VSTM4: variants seen among roughly 807,000 people sequenced by gnomAD.
The protein encoded by VSTM4 is V-set and transmembrane domain-containing protein 4.
Under a neutral mutation model 36.4 loss-of-function variants are expected in VSTM4, and 20 were observed. The ratio of observed to expected loss-of-function variants is 0.55; its 90% CI spans 0.39 to 0.80. The LOEUF is 0.80. VSTM4 is among the 30% of genes least tolerant of loss of function. The probability of loss-of-function intolerance (pLI) is 0.00; values close to 1 mark genes in which losing one functional copy is unlikely to be tolerated. For missense variants in VSTM4, 392 were observed against 404.5 expected, an observed-to-expected ratio of 0.97 and a Z score of 0.26; for synonymous variants, 182 against 173.9, an observed-to-expected ratio of 1.05 and a Z score of -0.37.
At chr10:49,098,983 G>A (rs752281087) in intron 2 of VSTM4, among the ~76,000 whole-genome samples, 16 of 152,292 alleles carry the variant, frequency 1.1e-4, no homozygotes, top group East Asian at 3.9e-4. Flanking sequence ...TCACTGAGCC[G>A]AGCAAACCTT....
intron 2 of VSTM4, among the ~76,000 whole-genome samples, chr10:49,088,956 A>G (rs890454206): frequency 6.6e-6 from 1 of 152,256 alleles, no homozygotes. Flanking sequence ...TCAGAAATGC[A>G]GAATGGCAGG....
intron 2 of VSTM4, among the ~76,000 whole-genome samples, chr10:49,104,762 C>G (rs188380217): frequency 5.7e-4 from 87 of 151,484 alleles, no homozygotes; most frequent in African/African-American, 2.0e-3. Flanking sequence ...TGGAGAGACA[C>G]AGAGAGATAG....
intron 5 of VSTM4, chr10:49,064,411 G>A: frequency 4.8e-6 from 2 of 420,338 alleles, no homozygotes; most frequent in Non-Finnish European, 8.6e-6. Flanking sequence ...GAGCAAGTGT[G>A]AGCCCCTTCC....
At chr10:49,062,015 T>C (rs1564578738) in intron 5 of VSTM4, among the ~76,000 whole-genome samples, 2 of 152,236 alleles carry the variant, frequency 1.3e-5, no homozygotes, top group East Asian at 1.9e-4. Context: ...TGTATTGTTT[T>C]TGCAAAGTTA....
At chr10:49,030,155 C>T (rs1843323076) in intron 7 of VSTM4, among the ~76,000 whole-genome samples, 1 of 152,182 alleles carries the variant, frequency 6.6e-6, no homozygotes, top group African/African-American at 2.4e-5. Context: ...TGAAGACGTC[C>T]AGGGGCATTT....
At position 49,076,414 on chromosome 10, in the gene VSTM4, G is replaced by A. The variant is rs1186827722; in HGVS notation, c.634+805C>T. On this transcript the variant is annotated intron_variant, in intron 4 of 7. Transcript: ENST00000332853. ...AGGCACAGAAGGAGGTTGTCAGCCT[G>A]TAAGTAAGGGAGCCACTGGAACCGG... is the stretch of plus-strand genomic sequence containing the variant. Among the ~76,000 whole-genome samples, 3 of 152,340 alleles carry A rather than the reference G, an allele frequency of 2.0e-5. No homozygotes were observed. The East Asian group carries it at 5.8e-4, about 29-fold the overall frequency.
intron 1 of VSTM4, among the ~76,000 whole-genome samples, chr10:49,113,636 A>T (rs980399696): frequency 6.6e-6 from 1 of 152,190 alleles, no homozygotes; most frequent in Non-Finnish European, 1.5e-5. Context: ...TATCGTAAAT[A>T]TATTGTCTGT....
At chr10:49,085,721 G>A (rs1844357597) in intron 3 of VSTM4, among the ~76,000 whole-genome samples, 1 of 151,962 alleles carries the variant, frequency 6.6e-6, no homozygotes, top group Non-Finnish European at 1.5e-5. Flanking sequence ...TTGTCTAAAA[G>A]TGAGGCTGCA....
At chr10:49,080,248 A>C (rs1292461266) in intron 3 of VSTM4, among the ~76,000 whole-genome samples, 1 of 152,228 alleles carries the variant, frequency 6.6e-6, no homozygotes, top group African/African-American at 2.4e-5. Flanking sequence ...GCTTAAGCTG[A>C]AAAAGCAAGC....
chr10:49,081,356 T>C (rs181318684), intron 3 of VSTM4, among the ~76,000 whole-genome samples: 1 of 152,230 alleles, frequency 6.6e-6, no homozygotes, highest in African/African-American at 2.4e-5. Context: ...TTTAGTCTTA[T>C]TCATGGAGTG....
At chr10:49,034,746 T>C (rs1843401923) in intron 7 of VSTM4, among the ~76,000 whole-genome samples, 1 of 152,138 alleles carries the variant, frequency 6.6e-6, no homozygotes. Flanking sequence ...CGGTGATGTT[T>C]TTCTTTCTTT....
At chr10:49,081,664 C>G (rs933376984) in intron 3 of VSTM4, among the ~76,000 whole-genome samples, 3 of 152,202 alleles carry the variant, frequency 2.0e-5, no homozygotes, top group Admixed American at 6.5e-5. Flanking sequence ...CACAGGCAGC[C>G]AGGGCTACAG....
chr10:49,089,596 T>A (rs143855935), intron 2 of VSTM4, among the ~76,000 whole-genome samples: 1 of 152,198 alleles, frequency 6.6e-6, no homozygotes, highest in African/African-American at 2.4e-5. Context: ...ACTAACCCTA[T>A]GCAAGGAATC....
intron 2 of VSTM4, among the ~76,000 whole-genome samples, chr10:49,101,333 C>G (rs1844661670): frequency 6.6e-6 from 1 of 151,762 alleles, no homozygotes; most frequent in Non-Finnish European, 1.5e-5. Context: ...AAATTTTGTA[C>G]CATATGTAAT....
intron 5 of VSTM4, among the ~76,000 whole-genome samples, chr10:49,062,796 C>T (rs999629490): frequency 6.6e-6 from 1 of 152,078 alleles, no homozygotes; most frequent in Admixed American, 6.6e-5. Context: ...TGTTTTTAGT[C>T]TATTTTCTCT....
chr10:49,045,142 C>T (rs2264846), intron 7 of VSTM4, among the ~76,000 whole-genome samples: 91,786 of 151,824 alleles, frequency 0.6, 29,358 homozygotes, highest in Middle Eastern at 0.74. Flanking sequence ...CTCCACCTTG[C>T]ACTCCGCCCT....
intron 2 of VSTM4, among the ~76,000 whole-genome samples, chr10:49,091,303 G>A (rs1844469606): frequency 6.6e-6 from 1 of 152,150 alleles, no homozygotes; most frequent in African/African-American, 2.4e-5. Flanking sequence ...GCCACTCTGG[G>A]GCCTCCCCAG....
At chr10:49,079,176 C>G (rs2131993804) in intron 3 of VSTM4, among the ~76,000 whole-genome samples, 1 of 152,086 alleles carries the variant, frequency 6.6e-6, no homozygotes. Flanking sequence ...AAAAAGTTGT[C>G]TAAGTTGAAC....
At chr10:49,110,167 G>A (rs1844866982) in intron 1 of VSTM4, among the ~76,000 whole-genome samples, 1 of 152,234 alleles carries the variant, frequency 6.6e-6, no homozygotes, top group Admixed American at 6.5e-5. Flanking sequence ...GAGGAAGGCA[G>A]GAAATTGAAA....
Sources: gnomAD v4.1 joint callset for allele counts (sites outside exome capture counted in the v4.1 genomes callset) on GRCh38, gnomAD v4.1.1 for gene constraint, MANE v1.5 for transcripts, NCBI Gene and HGNC (gene_info 2026-07-23, HGNC 2026-07-21) for gene names.